The following LINGO2 variants were observed in gnomAD, a reference collection of about 807,000 sequenced individuals.
LINGO2 encodes the protein leucine-rich repeat and immunoglobulin-like domain-containing nogo receptor-interacting protein 2.
Under a neutral mutation model 30.6 loss-of-function variants are expected in LINGO2, and 14 were observed. The observed-to-expected ratio is 0.46, with a 90% confidence interval of 0.30 to 0.72. The LOEUF (loss-of-function observed/expected upper bound fraction) is 0.72, where lower values mean the gene tolerates loss of function less well. LINGO2 is among the 30% of genes least tolerant of loss of function. The pLI, the probability that LINGO2 is intolerant of heterozygous loss-of-function variation, is 0.07. For synonymous variants in LINGO2, 317 were observed against 288.5 expected, an observed-to-expected ratio of 1.10 and a Z score of -1.00; for missense variants, 729 against 751.7, an observed-to-expected ratio of 0.97 and a Z score of 0.35.
rs748924325 is a variant in LINGO2, at chr9:28,147,733, A to G, written c.-86-135328T>C. 6.6e-5 allele frequency among the ~76,000 whole-genome samples: 10 copies of G among 152,130 alleles called. No homozygotes were observed. The highest frequency in any genetic ancestry group is 1.3e-4 in the Non-Finnish European group (9 of 68,014). ...CCAGGGCCACACAACTGCCCCCAGG[A>G]GCAGGACGTCCCTGAGGCTAGAGTC... On this transcript the variant is annotated intron_variant, in intron 4 of 5. Coordinates refer to ENST00000379992, the Ensembl canonical transcript of LINGO2. This position sits in a 1 kb window ranked among gnomAD's most constrained non-coding sequence, Gnocchi z 4.7.
chr9:28,449,596 A>T (rs1824568223), intron 2 of LINGO2, among the ~76,000 whole-genome samples: 1 of 152,074 alleles, frequency 6.6e-6, no homozygotes, highest in Admixed American at 6.6e-5. Context: ...TAAAACAAAC[A>T]AACCAAAATC....
At chr9:28,372,860 T>C (rs1278519299) in exon 3 of LINGO2, 1 of 152,548 alleles carries the variant, frequency 6.6e-6, no homozygotes, top group Non-Finnish European at 1.5e-5. Context: ...TCTGTTTTTC[T>C]CACTTCACCT....
the LINGO2 span, among the ~76,000 whole-genome samples, chr9:28,873,936 C>T: frequency 9.2e-5 from 14 of 151,464 alleles, no homozygotes; most frequent in Non-Finnish European, 1.9e-4. Flanking sequence ...ATATCTAATA[C>T]TAATTGAAAA....
chr9:27,991,197 A>T (rs1343938316), intron 5 of LINGO2, among the ~76,000 whole-genome samples: 1 of 152,036 alleles, frequency 6.6e-6, no homozygotes, highest in Non-Finnish European at 1.5e-5. Flanking sequence ...TCACACTACT[A>T]CATAAGGACT....
the LINGO2 span, among the ~76,000 whole-genome samples, chr9:28,980,908 C>T: frequency 1.3e-4 from 20 of 152,042 alleles, no homozygotes; most frequent in South Asian, 3.9e-3. Flanking sequence ...ACTGTTGTAC[C>T]ATAATTGCCT....
At chr9:28,281,692 G>C (rs530720170) in intron 4 of LINGO2, among the ~76,000 whole-genome samples, 1 of 151,998 alleles carries the variant, frequency 6.6e-6, no homozygotes, top group African/African-American at 2.4e-5. Context: ...GCTCATACAA[G>C]GATAGGTGAT....
chr9:28,671,713 C>T (rs1044863045), upstream of LINGO2, among the ~76,000 whole-genome samples: 1 of 151,714 alleles, frequency 6.6e-6, no homozygotes, highest in Non-Finnish European at 1.5e-5. Context: ...ACGAAATAAC[C>T]CGTACAAGAA....
chr9:28,286,879 C>T (rs955284869), intron 4 of LINGO2, among the ~76,000 whole-genome samples: 5 of 152,158 alleles, frequency 3.3e-5, no homozygotes, highest in Middle Eastern at 6.8e-3. Context: ...AACACCTGGA[C>T]GATTAAATAA....
intron 1 of LINGO2, among the ~76,000 whole-genome samples, chr9:28,622,728 AT>A (rs36004975): frequency 0.36 from 51,501 of 144,438 alleles, 9,028 homozygotes; most frequent in Admixed American, 0.47. Context: ...TGGCAGCTCT[AT>A]TTTTTTTTTT....
chr9:29,070,952 G>A, the LINGO2 span, among the ~76,000 whole-genome samples: 2 of 150,566 alleles, frequency 1.3e-5, no homozygotes, highest in Non-Finnish European at 1.5e-5. Context: ...TTGTGCCCCT[G>A]AATTTATCTA....
the LINGO2 span, among the ~76,000 whole-genome samples, chr9:29,030,972 A>C: frequency 2.6e-5 from 4 of 152,182 alleles, no homozygotes; most frequent in African/African-American, 7.2e-5. Flanking sequence ...TGCAGGTATC[A>C]CTGTACATAA....
chr9:29,205,276 G>T, the LINGO2 span, among the ~76,000 whole-genome samples: 81 of 152,092 alleles, frequency 5.3e-4, no homozygotes, highest in Middle Eastern at 3.4e-3. Context: ...CTTGACCTCG[G>T]TATCCACCCA....
At chr9:28,714,198 C>CACAT in the LINGO2 span, among the ~76,000 whole-genome samples, 1,515 of 64,218 alleles carry the variant, frequency 0.024, 68 homozygotes, top group East Asian at 0.17. Context: ...TACACACATA[C>CACAT]ACACACACAC....
chr9:28,148,292 A>C lies in LINGO2; in HGVS notation c.-86-135887T>G. 3 of 811,442 alleles carry C rather than the reference A, an allele frequency of 3.7e-6. No individual in the cohort carries two copies. The highest frequency in any genetic ancestry group is 6.1e-6 in the Non-Finnish European group (3 of 495,254). 50.3% of individuals were successfully genotyped at this position (811,442 alleles called of 1,614,324 possible). On this transcript the variant is annotated intron_variant, in intron 4 of 5. Transcript: ENST00000379992. This position sits in a 1 kb window ranked among gnomAD's most constrained non-coding sequence, Gnocchi z 5.1. Reference sequence around the variant, plus strand: ...TGTGGTCTGGAGCCCCGCCTCAAGGAAGAAACCCATGCTGTCTGCTCACAA... The same window carrying C: ...TGTGGTCTGGAGCCCCGCCTCAAGGCAGAAACCCATGCTGTCTGCTCACAA...
intron 4 of LINGO2, among the ~76,000 whole-genome samples, chr9:28,062,605 CA>C (rs1295840504): frequency 7.0e-6 from 1 of 142,572 alleles, no homozygotes; most frequent in Non-Finnish European, 1.5e-5. Flanking sequence ...TGTATATATA[CA>C]AAATCAAATA....
Position 28,300,217 on chromosome 9 carries a change from A to G in LINGO2, c.-245-4851T>C, listed in dbSNP as rs182982661. 2.0e-4 allele frequency among the ~76,000 whole-genome samples: 31 copies of G among 152,202 alleles called. 1 individual carries two copies. Among genetic ancestry groups the G allele is most frequent in the African/African-American group, 7.5e-4 (31 of 41,556 alleles). On this transcript the variant is annotated intron_variant, in intron 3 of 5. Coordinates refer to ENST00000379992, the Ensembl canonical transcript of LINGO2. Reference sequence around the variant, plus strand: ...GATTAGATTAAAGTATGAATAGCACATCAGTGTTTTGCTGATGAACATTTT... The same window carrying G: ...GATTAGATTAAAGTATGAATAGCACGTCAGTGTTTTGCTGATGAACATTTT...
chr9:28,018,145 G>C (rs1822933947), intron 4 of LINGO2, among the ~76,000 whole-genome samples: 2 of 152,160 alleles, frequency 1.3e-5, no homozygotes, highest in Admixed American at 6.6e-5. Context: ...TGGGCTGACT[G>C]GCTAGCCATA....
At chr9:29,081,012 T>C in the LINGO2 span, among the ~76,000 whole-genome samples, 1 of 152,054 alleles carries the variant, frequency 6.6e-6, no homozygotes, top group Non-Finnish European at 1.5e-5. Flanking sequence ...GAGGAGCTGG[T>C]ACCATTCCTT....
chr9:28,079,971 A>G lies in LINGO2; in HGVS notation c.-86-67566T>C, dbSNP rs550775234. On this transcript the variant is annotated intron_variant, in intron 4 of 5. Transcript: ENST00000379992. ...GTAAAAAATGCAGGTATCACTCTTGATATTTGTCTTCCCTTTACACCCTGC... is the reference window on the plus strand; with the variant it reads ...GTAAAAAATGCAGGTATCACTCTTGGTATTTGTCTTCCCTTTACACCCTGC... 2.0e-5 allele frequency among the ~76,000 whole-genome samples: 3 copies of G among 152,284 alleles called. No individual in the cohort carries two copies. In the South Asian group the frequency reaches 6.2e-4, roughly 32 times the overall value.
Sources: gnomAD v4.1 joint callset for allele counts (sites outside exome capture counted in the v4.1 genomes callset) on GRCh38, gnomAD v4.1.1 for gene constraint, Gnocchi (gnomAD v3.1) non-coding constraint, MANE v1.5 for transcripts, NCBI Gene and HGNC (gene_info 2026-07-23, HGNC 2026-07-21) for gene names.